The following SNTG2 variants were observed in gnomAD, a reference collection of about 807,000 sequenced individuals.
SNTG2 encodes gamma-2-syntrophin.
Under a neutral mutation model 70.9 loss-of-function variants are expected in SNTG2, and 74 were observed. The observed-to-expected ratio is 1.04, with a 90% CI of 0.86 to 1.27. The LOEUF is 1.27. SNTG2 is among the 50% of genes most tolerant of loss of function. SNTG2 has a pLI of 0.00. For synonymous variants in SNTG2, 278 were observed against 273.8 expected, an observed-to-expected ratio of 1.02 and a Z score of -0.15; for missense variants, 717 against 690.7, an observed-to-expected ratio of 1.04 and a Z score of -0.43.
At chr2:1,317,939 G>A (rs1240033460) in intron 16 of SNTG2, among the ~76,000 whole-genome samples, 1 of 152,202 alleles carries the variant, frequency 6.6e-6, no homozygotes, top group East Asian at 1.9e-4. Flanking sequence ...ATATTAGCAG[G>A]AAATCATTAT....
At chr2:956,254 T>C (rs1572160909) in intron 1 of SNTG2, among the ~76,000 whole-genome samples, 1 of 65,154 alleles carries the variant, frequency 1.5e-5, no homozygotes, top group South Asian at 5.2e-4. Flanking sequence ...GCCCCGCCCC[T>C]GCGCCTCCCC....
At position 1,367,475 on chromosome 2, in the gene SNTG2, AGG is replaced by A. The variant is rs1558237005; in HGVS notation, c.*2_*3del. 1 of 1,548,484 alleles carries A rather than the reference AGG, an allele frequency of 6.5e-7. No individual in the cohort carries two copies. The highest frequency in any genetic ancestry group is 2.4e-5 in the East Asian group (1 of 40,918). On this transcript the variant is annotated 3_prime_UTR_variant, in exon 17 of 17. Coordinates refer to ENST00000308624, the MANE Select transcript of SNTG2 (RefSeq NM_018968.4). ...CAGAAAATACATGTACAGCAGCTAA[AGG>A]TTGTTTCTGTTGAGTGCTGAAAAAT... is the stretch of plus-strand genomic sequence containing the variant.
chr2:1,004,303 T>G (rs1258778937), intron 1 of SNTG2, among the ~76,000 whole-genome samples: 2 of 152,188 alleles, frequency 1.3e-5, no homozygotes, highest in Non-Finnish European at 1.5e-5. Context: ...ACATCAAAAG[T>G]ACAATCCATG....
At chr2:1,159,009 C>T (rs1325677157) in intron 6 of SNTG2, among the ~76,000 whole-genome samples, 3 of 151,840 alleles carry the variant, frequency 2.0e-5, no homozygotes, top group African/African-American at 4.8e-5. Context: ...TGTGGATGTC[C>T]GTGTGTGTGT....
intron 7 of SNTG2, among the ~76,000 whole-genome samples, chr2:1,167,243 G>A (rs1157306012): frequency 6.7e-6 from 1 of 150,056 alleles, no homozygotes; most frequent in Non-Finnish European, 1.5e-5. Flanking sequence ...ACCCACAGAC[G>A]ACAGAACTGA....
intron 1 of SNTG2, among the ~76,000 whole-genome samples, chr2:985,807 G>T (rs969427925): frequency 2.0e-5 from 3 of 152,006 alleles, no homozygotes; most frequent in South Asian, 2.1e-4. Flanking sequence ...TGGCGTAAAT[G>T]TTTCTCCTTT....
At chr2:1,081,987 C>CT (rs1664349638) in intron 1 of SNTG2, among the ~76,000 whole-genome samples, 2 of 152,310 alleles carry the variant, frequency 1.3e-5, no homozygotes, top group Middle Eastern at 3.4e-3. Context: ...GGCACACACT[C>CT]TTTTTTGTGC....
At chr2:990,934 A>G (rs548299590) in intron 1 of SNTG2, among the ~76,000 whole-genome samples, 1 of 151,688 alleles carries the variant, frequency 6.6e-6, no homozygotes, top group South Asian at 2.1e-4. Context: ...GTTGGAAGGC[A>G]TATATTGTAT....
At position 1,126,085 on chromosome 2, in the gene SNTG2, G is replaced by C. The variant is rs188966114; in HGVS notation, c.326-11537G>C. ...TATTCTACAGTGCTATAGAACACTAGAAGTATTCCTCCTATCTAGCTGTAA... is the reference window on the plus strand; with the variant it reads ...TATTCTACAGTGCTATAGAACACTACAAGTATTCCTCCTATCTAGCTGTAA... On this transcript the variant is annotated intron_variant, in intron 4 of 16. Transcript: ENST00000308624. Among the ~76,000 whole-genome samples, 227 of 152,182 alleles carry C rather than the reference G, an allele frequency of 1.5e-3. 1 individual carries two copies. The highest frequency in any genetic ancestry group is 2.4e-3 in the Admixed American group (37 of 15,282).
chr2:1,229,944 C>T (rs552995076), intron 9 of SNTG2, among the ~76,000 whole-genome samples: 8 of 152,324 alleles, frequency 5.3e-5, no homozygotes, highest in South Asian at 2.1e-4. Context: ...CCGCAAGCGC[C>T]GCACGCAGCC....
At chr2:1,124,499 T>G (rs1667585324) in intron 4 of SNTG2, among the ~76,000 whole-genome samples, 1 of 151,994 alleles carries the variant, frequency 6.6e-6, no homozygotes, top group South Asian at 2.1e-4. Context: ...GGTTTCATTG[T>G]GTTAACCAGG....
At chr2:1,114,948 T>C (rs1666840143) in intron 4 of SNTG2, among the ~76,000 whole-genome samples, 1 of 152,142 alleles carries the variant, frequency 6.6e-6, no homozygotes, top group South Asian at 2.1e-4. Context: ...GTTTAACCCT[T>C]ACAGTCCTTT....
chr2:1,352,019 C>T (rs1458316732), intron 16 of SNTG2, among the ~76,000 whole-genome samples: 1 of 152,168 alleles, frequency 6.6e-6, no homozygotes, highest in East Asian at 1.9e-4. Context: ...CCTGGAGGTC[C>T]CTGGCCCTGC....
intron 1 of SNTG2, among the ~76,000 whole-genome samples, chr2:954,158 C>A (rs1660068865): frequency 6.6e-6 from 1 of 152,096 alleles, no homozygotes; most frequent in Non-Finnish European, 1.5e-5. Context: ...ACCCCTAGCT[C>A]CTGCGCTGCT....
intron 4 of SNTG2, among the ~76,000 whole-genome samples, chr2:1,102,093 T>C (rs1383179380): frequency 2.0e-5 from 3 of 152,216 alleles, no homozygotes; most frequent in Non-Finnish European, 4.4e-5. Context: ...GCAGAGCTTG[T>C]AGACAACTGG....
intron 1 of SNTG2, among the ~76,000 whole-genome samples, chr2:983,050 G>A (rs1286462736): frequency 1.3e-5 from 2 of 151,924 alleles, no homozygotes; most frequent in Non-Finnish European, 2.9e-5. Flanking sequence ...CTGCAGAGGT[G>A]GTGTCAGGAT....
In SNTG2 at chr2:1,030,512, C is replaced by T. The variant is rs111447220; in HGVS notation, c.73-53006C>T. Among the ~76,000 whole-genome samples the T allele has an allele frequency of 3.0e-4, 46 of 152,190 alleles. 1 individual carries two copies. The highest frequency in any genetic ancestry group is 1.1e-3 in the African/African-American group (46 of 41,538). On this transcript the variant is annotated intron_variant, in intron 1 of 16. Transcript: ENST00000308624. ...ATGTGCAGCTGTGATTAAACAACAC[C>T]GAGCTGTCCACACGTGTGCCAGTGA...
intron 1 of SNTG2, among the ~76,000 whole-genome samples, chr2:986,290 C>T (rs1426538007): frequency 6.6e-5 from 10 of 152,264 alleles, no homozygotes; most frequent in South Asian, 2.1e-4. Context: ...CCTTCTCACA[C>T]GCTCTACCAG....
At chr2:1,337,539 T>C (rs1445507145) in intron 16 of SNTG2, among the ~76,000 whole-genome samples, 1 of 152,144 alleles carries the variant, frequency 6.6e-6, no homozygotes, top group Non-Finnish European at 1.5e-5. Flanking sequence ...AGTTGTCTTT[T>C]GTTGTTGTTG....
Sources: gnomAD v4.1 joint callset for allele counts (sites outside exome capture counted in the v4.1 genomes callset) on GRCh38, gnomAD v4.1.1 for gene constraint, MANE v1.5 for transcripts, NCBI Gene and HGNC (gene_info 2026-07-23, HGNC 2026-07-21) for gene names.